TTC7A: variants seen among roughly 807,000 people sequenced by gnomAD.
The protein encoded by TTC7A is tetratricopeptide repeat protein 7A.
Under a neutral mutation model 103.7 loss-of-function variants are expected in TTC7A, and 110 were observed. The observed-to-expected ratio is 1.06, with a 90% CI of 0.91 to 1.24. The LOEUF is 1.24. Ranked by LOEUF, TTC7A falls within the 50% of genes most tolerant of loss-of-function variation. The probability of loss-of-function intolerance (pLI) is 0.00; values close to 1 mark genes in which losing one functional copy is unlikely to be tolerated. For synonymous variants in TTC7A, 521 were observed against 467.9 expected, an observed-to-expected ratio of 1.11 and a Z score of -1.47; for missense variants, 1,340 against 1,116.3, an observed-to-expected ratio of 1.20 and a Z score of -2.86.
intron 19 of TTC7A, among the ~76,000 whole-genome samples, chr2:47,066,391 C>T (rs1038834530): frequency 3.5e-4 from 54 of 152,144 alleles, no homozygotes; most frequent in African/African-American, 1.0e-3. Flanking sequence ...CCTCCCAAGG[C>T]GGGACCTGAG....
Position 47,021,949 on chromosome 2 carries a change from G to T in TTC7A, c.1480G>T (p.Gly494Cys). The T allele has an allele frequency of 6.2e-7, 1 of 1,614,042 alleles. No homozygotes were observed. The highest frequency in any genetic ancestry group is 8.5e-7 in the Non-Finnish European group (1 of 1,179,938). ...EFLPKGYLALGLTYSLQATDA... is the reference protein window; with the variant it reads ...EFLPKGYLALCLTYSLQATDA... ...CCTCCCCAAGGGCTACCTGGCTCTG[G>T]GTCTCACCTATAGCCTGCAGGCCAC... Residue 494 changes from glycine (G) to cysteine (C), a missense_variant, in exon 12 of 20, where the codon GGT becomes TGT. Physicochemically the swap from Gly to Cys is radical, Grantham distance 159. Transcript: ENST00000319190.
rs1175571427 is a variant in TTC7A at position 46,986,431 on chromosome 2, G to T, written c.765-7019G>T. On this transcript the variant is annotated intron_variant, in intron 5 of 19. Transcript: ENST00000319190. ...CACTGCGGGGTTCGAGCTATGGCCA[G>T]GAGGAGGTCCCCTCCCCTCGTGGAG... 2.0e-5 allele frequency among the ~76,000 whole-genome samples: 3 copies of T among 152,294 alleles called. No homozygotes were observed. In the East Asian group the frequency reaches 5.8e-4, roughly 29 times the overall value.
chr2:46,975,589 G>A (rs939495521), intron 4 of TTC7A, among the ~76,000 whole-genome samples: 3 of 152,074 alleles, frequency 2.0e-5, no homozygotes, highest in Non-Finnish European at 2.9e-5. Context: ...TCCCTGTGGT[G>A]GGTCTGGGTT....
chr2:47,024,416 G>T lies in TTC7A; in HGVS notation c.1641+57G>T, dbSNP rs72872958. On this transcript the variant is annotated intron_variant, in intron 14 of 19. Coordinates refer to ENST00000319190, the MANE Select transcript of TTC7A (RefSeq NM_020458.4). ...CTCGGGGGCTGCTGATCTTCTCCTGGAAACCCAGCTTACCAGCTGTGTGAC... is the reference window on the plus strand; with the variant it reads ...CTCGGGGGCTGCTGATCTTCTCCTGTAAACCCAGCTTACCAGCTGTGTGAC... 0.16 allele frequency: 240,586 copies of T among 1,492,758 alleles called. 22,014 individuals carry two copies. Among genetic ancestry groups the T allele is most frequent in the South Asian group, 0.34 (27,237 of 79,552 alleles). The allele number at this position is 1,492,758 out of a possible 1,614,324, so 92.5% of individuals were successfully genotyped here.
At chr2:46,999,012 C>T (rs1676510170) in intron 8 of TTC7A, among the ~76,000 whole-genome samples, 1 of 152,166 alleles carries the variant, frequency 6.6e-6, no homozygotes, top group Non-Finnish European at 1.5e-5. Context: ...AATCCACATA[C>T]TTATCATTGA....
rs967282135 is a variant in TTC7A at position 47,075,878 on chromosome 2, C to A, written c.*1955C>A. 6.6e-6 allele frequency: 1 copy of A among 152,356 alleles called. No individual in the cohort carries two copies. The highest frequency in any genetic ancestry group is 1.5e-5 in the Non-Finnish European group (1 of 68,170). The allele number at this position is 152,356 out of a possible 1,614,324, so 9.4% of individuals were successfully genotyped here. ...GGGCGACCCCTGAAGCCCCTGCTGC[C>A]TCTGGGCATTGCTGGGAGAGGCCAA... On this transcript the variant is annotated 3_prime_UTR_variant, in exon 20 of 20. Transcript: ENST00000319190.
intron 14 of TTC7A, among the ~76,000 whole-genome samples, chr2:47,027,715 G>A (rs944869812): frequency 1.3e-5 from 2 of 152,110 alleles, no homozygotes; most frequent in Non-Finnish European, 2.9e-5. Context: ...GCTGCCTCAG[G>A]CAGGGCATGG....
At chr2:47,041,347 C>T (rs1042238602) in intron 15 of TTC7A, among the ~76,000 whole-genome samples, 14 of 152,216 alleles carry the variant, frequency 9.2e-5, no homozygotes, top group African/African-American at 3.4e-4. Flanking sequence ...TGCCTGCAGG[C>T]ACTTGCAGAC....
intron 18 of TTC7A, among the ~76,000 whole-genome samples, chr2:47,057,784 C>T (rs1683439209): frequency 6.6e-6 from 1 of 152,234 alleles, no homozygotes; most frequent in Admixed American, 6.5e-5. Context: ...CTGCAGCCTT[C>T]AGGCTCCAGC....
chr2:47,020,034 C>T (rs924981681), intron 11 of TTC7A, among the ~76,000 whole-genome samples: 1 of 152,226 alleles, frequency 6.6e-6, no homozygotes, highest in East Asian at 1.9e-4. Context: ...GTCAGCACCA[C>T]ACAGTGGGGC....
At chr2:46,916,481 T>C (rs1481901775) in exon 1 of TTC7A, 1 of 152,414 alleles carries the variant, frequency 6.6e-6, no homozygotes, top group Non-Finnish European at 1.5e-5. Flanking sequence ...AACAGACTCA[T>C]GAACAAATAG....
chr2:47,065,967 T>C (rs565866728), intron 19 of TTC7A: 1 of 151,996 alleles, frequency 6.6e-6, no homozygotes, highest in African/African-American at 2.4e-5. Context: ...CTCCTCATGC[T>C]TTCTTCTTGG....
intron 14 of TTC7A, among the ~76,000 whole-genome samples, chr2:47,024,852 C>T (rs1486238290): frequency 3.3e-5 from 5 of 152,188 alleles, no homozygotes; most frequent in Non-Finnish European, 5.9e-5. Context: ...GCCCCAGGAC[C>T]ACCTCCACCA....
intron 5 of TTC7A, among the ~76,000 whole-genome samples, chr2:46,979,767 G>T (rs1243052138): frequency 6.6e-6 from 1 of 152,232 alleles, no homozygotes; most frequent in South Asian, 2.1e-4. Flanking sequence ...GGGACTCCCA[G>T]GCGGGAGCTG....
At chr2:47,016,061 G>A (rs151126416) in intron 11 of TTC7A, among the ~76,000 whole-genome samples, 1 of 152,284 alleles carries the variant, frequency 6.6e-6, no homozygotes, top group East Asian at 1.9e-4. Flanking sequence ...AACCTTTTTG[G>A]CTCACTGCAA....
intron 4 of TTC7A, among the ~76,000 whole-genome samples, chr2:46,978,562 T>A (rs371025680): frequency 7.5e-6 from 1 of 132,746 alleles, no homozygotes; most frequent in Non-Finnish European, 1.6e-5. Flanking sequence ...CCCTGTTTCT[T>A]AAAAAAAAAA....
intron 2 of TTC7A, among the ~76,000 whole-genome samples, chr2:46,926,106 T>C (rs1327042796): frequency 4.6e-5 from 7 of 152,182 alleles, no homozygotes; most frequent in Non-Finnish European, 1.0e-4. Context: ...CCCTCATCAG[T>C]GAGGATGCAG....
chr2:46,956,773 C>G (rs1671891349), intron 2 of TTC7A, 66 bp from the exon 3 acceptor site: 1 of 1,573,746 alleles, frequency 6.4e-7, no homozygotes, highest in Non-Finnish European at 8.7e-7. Flanking sequence ...GGTCCAGGTT[C>G]AGTGGGGGTG....
chr2:47,004,971 G>T (rs977820468), intron 8 of TTC7A, among the ~76,000 whole-genome samples: 1 of 152,158 alleles, frequency 6.6e-6, no homozygotes, highest in African/African-American at 2.4e-5. Context: ...CCACATCCTT[G>T]ATGGGGAGCT....
Sources: allele counts gnomAD v4.1 joint callset (sites outside exome capture counted in the v4.1 genomes callset), GRCh38; gene constraint gnomAD v4.1.1; transcripts MANE v1.5; gene names NCBI Gene and HGNC (gene_info 2026-07-23, HGNC 2026-07-21).